The following HS6ST3 variants were observed in gnomAD, a reference collection of about 807,000 sequenced individuals.
The protein encoded by HS6ST3 is heparan sulfate 6-O-sulfotransferase 3, also known as heparan-sulfate 6-O-sulfotransferase 3.
In HS6ST3, 12 loss-of-function variants were observed where a neutral mutation model predicts 36.7. The ratio of observed to expected loss-of-function variants is 0.33; its 90% confidence interval spans 0.21 to 0.53. HS6ST3 has a LOEUF of 0.53. Among genes scored for constraint, HS6ST3 ranks in the 20% least tolerant of loss-of-function variants. The probability of loss-of-function intolerance (pLI) is 0.95; values close to 1 mark genes in which losing one functional copy is unlikely to be tolerated. For missense variants in HS6ST3, 584 were observed against 640.9 expected, an observed-to-expected ratio of 0.91 and a Z score of 0.96; for synonymous variants, 240 against 257.5, an observed-to-expected ratio of 0.93 and a Z score of 0.65.
intron 1 of HS6ST3, among the ~76,000 whole-genome samples, chr13:96,650,013 A>G (rs371531948): frequency 6.6e-6 from 1 of 151,772 alleles, no homozygotes; most frequent in Non-Finnish European, 1.5e-5. Context: ...TCTTCCCTAA[A>G]GACTCACTTG....
chr13:96,488,949 C>T (rs1322479036), intron 1 of HS6ST3, among the ~76,000 whole-genome samples: 1 of 151,726 alleles, frequency 6.6e-6, no homozygotes, highest in Non-Finnish European at 1.5e-5. Context: ...ATGTACATAC[C>T]ATGGTATGAT....
chr13:96,762,209 G>A (rs1876987453), intron 1 of HS6ST3, among the ~76,000 whole-genome samples: 2 of 152,314 alleles, frequency 1.3e-5, no homozygotes, highest in South Asian at 4.1e-4. Flanking sequence ...TGCGCATGGT[G>A]GCTCATGCCT....
intron 1 of HS6ST3, among the ~76,000 whole-genome samples, chr13:96,096,348 T>C (rs2053790868): frequency 1.3e-5 from 2 of 152,150 alleles, no homozygotes; most frequent in Admixed American, 1.3e-4. Context: ...TCTGTGATGC[T>C]CACTCTCAGT....
In HS6ST3 at chr13:96,540,417, T is replaced by C. The variant is rs546910189; in HGVS notation, c.708-292073T>C. Among the ~76,000 whole-genome samples, 6 of 152,264 alleles carry C rather than the reference T, an allele frequency of 3.9e-5. No homozygotes were observed. The South Asian group carries it at 1.0e-3, about 26-fold the overall frequency. On this transcript the variant is annotated intron_variant, in intron 1 of 1. Coordinates refer to ENST00000376705, the MANE Select transcript of HS6ST3 (RefSeq NM_153456.4). ...ATGTATACATCTGTTTGTCTTTTGC[T>C]TGCTTAACTTGTCCCTTCACTTACA...
intron 1 of HS6ST3, among the ~76,000 whole-genome samples, chr13:96,511,655 A>C (rs1179971548): frequency 6.6e-6 from 1 of 150,988 alleles, no homozygotes; most frequent in Non-Finnish European, 1.5e-5. Flanking sequence ...GATTGTGAAC[A>C]TCTCCCGATC....
At chr13:96,534,662 C>A (rs368140706) in intron 1 of HS6ST3, among the ~76,000 whole-genome samples, 4 of 152,146 alleles carry the variant, frequency 2.6e-5, no homozygotes, top group Admixed American at 2.6e-4. Context: ...GGTGCAGGAA[C>A]AATATACAAG....
chr13:96,437,969 A>G (rs1252139658), intron 1 of HS6ST3, among the ~76,000 whole-genome samples: 1 of 152,194 alleles, frequency 6.6e-6, no homozygotes, highest in African/African-American at 2.4e-5. Flanking sequence ...GACAAATGTT[A>G]TTGGAAATCT....
intron 1 of HS6ST3, among the ~76,000 whole-genome samples, chr13:96,623,714 C>A (rs979964891): frequency 6.6e-6 from 1 of 152,146 alleles, no homozygotes; most frequent in African/African-American, 2.4e-5. Flanking sequence ...TCGGAGCCCA[C>A]CTCACTTGTT....
intron 1 of HS6ST3, among the ~76,000 whole-genome samples, chr13:96,562,145 G>A (rs558806175): frequency 6.6e-6 from 1 of 152,276 alleles, no homozygotes; most frequent in African/African-American, 2.4e-5. Flanking sequence ...CCTCAATGGT[G>A]GATAGATAAA....
At chr13:96,231,457 T>C (rs535657373) in intron 1 of HS6ST3, among the ~76,000 whole-genome samples, 1 of 152,220 alleles carries the variant, frequency 6.6e-6, no homozygotes, top group South Asian at 2.1e-4. Context: ...AACTTATAAC[T>C]ATGGCAGAAA....
chr13:96,547,348 T>C (rs1358597523), intron 1 of HS6ST3, among the ~76,000 whole-genome samples: 1 of 152,224 alleles, frequency 6.6e-6, no homozygotes, highest in Non-Finnish European at 1.5e-5. Context: ...TAGCATTTCT[T>C]TTCTCCTTTT....
At chr13:96,716,413 T>C (rs1875697225) in intron 1 of HS6ST3, among the ~76,000 whole-genome samples, 1 of 152,148 alleles carries the variant, frequency 6.6e-6, no homozygotes, top group African/African-American at 2.4e-5. Context: ...CTTGAAGGAA[T>C]AACAACCAAG....
At chr13:96,138,314 AAG>A (rs2054012506) in intron 1 of HS6ST3, among the ~76,000 whole-genome samples, 1 of 151,748 alleles carries the variant, frequency 6.6e-6, no homozygotes, top group African/African-American at 2.4e-5. Flanking sequence ...GTGCAATAAT[AAG>A]AGAGCTGAAA....
chr13:96,303,559 G>C (rs1324597061), intron 1 of HS6ST3, among the ~76,000 whole-genome samples: 2 of 152,120 alleles, frequency 1.3e-5, no homozygotes, highest in African/African-American at 4.8e-5. Flanking sequence ...AAGAGTCCCT[G>C]TCTTTAAGGA....
intron 1 of HS6ST3, among the ~76,000 whole-genome samples, chr13:96,389,775 C>G (rs2055386932): frequency 1.3e-5 from 2 of 152,112 alleles, no homozygotes; most frequent in Non-Finnish European, 2.9e-5. Flanking sequence ...AAACTAAGGA[C>G]TAAATAGCTG....
At position 96,590,419 on chromosome 13, in the gene HS6ST3, T is replaced by C. The variant is rs187395293; in HGVS notation, c.708-242071T>C. Among the ~76,000 whole-genome samples, 1,012 of 152,230 alleles carry C rather than the reference T, an allele frequency of 6.6e-3. 15 individuals carry two copies. Among genetic ancestry groups the C allele is most frequent in the Non-Finnish European group, 5.2e-3 (354 of 67,980 alleles). On this transcript the variant is annotated intron_variant, in intron 1 of 1. Coordinates refer to ENST00000376705, the MANE Select transcript of HS6ST3 (RefSeq NM_153456.4). ...GATGACATTTCATTGTAGTTTTGAT[T>C]TGCGTTTCTCTGATAATCAGTGACA...
chr13:96,244,226 A>G (rs16952921), intron 1 of HS6ST3, among the ~76,000 whole-genome samples: 7,509 of 152,250 alleles, frequency 0.049, 296 homozygotes, highest in Admixed American at 0.12. Context: ...ATACAATATG[A>G]ATTCAATAGT....
At chr13:96,516,181 C>A in intron 1 of HS6ST3, among the ~76,000 whole-genome samples, 1 of 151,812 alleles carries the variant, frequency 6.6e-6, no homozygotes, top group East Asian at 1.9e-4. Context: ...CCTGCTTCAG[C>A]CTCCTGAGTA....
At chr13:96,781,959 A>T (rs994588669) in intron 1 of HS6ST3, among the ~76,000 whole-genome samples, 12 of 152,244 alleles carry the variant, frequency 7.9e-5, no homozygotes, top group African/African-American at 2.9e-4. Context: ...TCTTATTTTC[A>T]TAAATATGTT....
Sources: gnomAD v4.1 joint callset for allele counts (sites outside exome capture counted in the v4.1 genomes callset) on GRCh38, gnomAD v4.1.1 for gene constraint, MANE v1.5 for transcripts, NCBI Gene and HGNC (gene_info 2026-07-23, HGNC 2026-07-21) for gene names.